ATP12A: variants seen among roughly 807,000 people sequenced by gnomAD.
The protein encoded by ATP12A is ATPase H+/K+ transporting non-gastric alpha2 subunit.
A neutral mutation model predicts 111.2 loss-of-function variants in ATP12A; 81 were observed. That is an observed-to-expected ratio of 0.73 (90% CI 0.61 to 0.88). The LOEUF (loss-of-function observed/expected upper bound fraction) is 0.88. Ranked by LOEUF, ATP12A falls within the 40% of genes least tolerant of loss-of-function variation. The probability of loss-of-function intolerance (pLI) is 0.00; values close to 1 mark genes in which losing one functional copy is unlikely to be tolerated. For synonymous variants in ATP12A, 498 were observed against 499.8 expected (o/e 1.00, Z 0.05); for missense variants, 1,196 against 1,313.1 (o/e 0.91, Z 1.38).
At chr13:24,691,680 C>T (rs1001314861) in intron 8 of ATP12A, among the ~76,000 whole-genome samples, 2 of 152,112 alleles carry the variant, frequency 1.3e-5, no homozygotes, top group Non-Finnish European at 2.9e-5. Context: ...AGGACTCCAG[C>T]CCTTTCCTGG....
chr13:24,686,823 C>A (rs7995316), intron 3 of ATP12A, among the ~76,000 whole-genome samples: 37,121 of 151,646 alleles, frequency 0.24, 5,568 homozygotes, highest in East Asian at 0.54. Context: ...GCAGGACTTG[C>A]GGGGATTTTT....
At chr13:24,705,347 A>G (rs894067353) in intron 14 of ATP12A, among the ~76,000 whole-genome samples, 1 of 152,206 alleles carries the variant, frequency 6.6e-6, no homozygotes, top group Non-Finnish European at 1.5e-5. Context: ...AAGCTTGACA[A>G]CGCAGGCCCC....
chr13:24,710,773 G>T lies in ATP12A; in HGVS notation c.2898-19G>T. ...AGCCACAAGAATCCCAAGTCTGTCT[G>T]CTTTTGTGTGTCTTGCAGAAATAAA... is the stretch of plus-strand genomic sequence containing the variant. On this transcript the variant is annotated intron_variant, in intron 20 of 22. Coordinates refer to ENST00000381946, the MANE Select transcript of ATP12A (RefSeq NM_001676.7). 1 of 1,612,856 alleles carries T rather than the reference G, an allele frequency of 6.2e-7. No individual in the cohort carries two copies. The highest frequency in any genetic ancestry group is 8.5e-7 in the Non-Finnish European group (1 of 1,178,938).
In ATP12A at chr13:24,701,949, T is replaced by C. The variant is rs1316884339; in HGVS notation, c.1896T>C (p.Thr632=). 2 of 1,614,246 alleles carry C rather than the reference T, an allele frequency of 1.2e-6. No homozygotes were observed. The highest frequency in any genetic ancestry group is 1.1e-5 in the South Asian group (1 of 91,082). The change falls in exon 14 of 23, where the codon ACT becomes ACC. Residue 632 remains threonine (T), a synonymous_variant. Transcript: ENST00000381946. The part of the protein sequence containing the change: ...RSAGIKVIMV[T]GDHPITAKAI... ...CTTTGCTCTAGGTTATTATGGTTACTGGTGATCATCCCATCACAGCCAAAG... is the reference window on the plus strand; with the variant it reads ...CTTTGCTCTAGGTTATTATGGTTACCGGTGATCATCCCATCACAGCCAAAG...
intron 7 of ATP12A, 92 bp from the exon 8 acceptor site, chr13:24,690,890 C>T (rs552495154): frequency 5.9e-6 from 9 of 1,537,702 alleles, no homozygotes; most frequent in East Asian, 4.5e-5. Context: ...GTGTGCCTAT[C>T]GATTGTGCCA....
Position 24,686,536 on chromosome 13 carries a change from C to A in ATP12A, c.228+1163C>A, listed in dbSNP as rs1162758889. 2.6e-5 allele frequency among the ~76,000 whole-genome samples: 4 copies of A among 151,724 alleles called. No homozygotes were observed. In the South Asian group the frequency reaches 8.3e-4, roughly 32 times the overall value. On this transcript the variant is annotated intron_variant, in intron 3 of 22. Coordinates refer to ENST00000381946, the MANE Select transcript of ATP12A (RefSeq NM_001676.7). ...CGGGCGGATCACGAGGTCAGGAGAT[C>A]GAGACCATCCTGGCTAACACGGTGA...
rs11620015 is a variant in ATP12A at position 24,685,442 on chromosome 13, C to T, written c.228+69C>T. On this transcript the variant is annotated intron_variant, in intron 3 of 22. Transcript: ENST00000381946. The surrounding 1 kb of genome is among the most constrained non-coding windows in gnomAD (Gnocchi z 5.5). The stretch of plus-strand genomic sequence containing the variant: ...TCTACAGAGGGAAGGCTGTGTGTGG[C>T]GGGGGGCTGTGTGGAAGAGTAGCGG... The T allele has an allele frequency of 0.12, 176,048 of 1,530,852 alleles. 11,456 individuals carry two copies. The highest frequency in any genetic ancestry group is 0.13 in the Non-Finnish European group (147,105 of 1,104,922). 94.8% of individuals were successfully genotyped at this position (1,530,852 alleles called of 1,614,324 possible).
At position 24,708,160 on chromosome 13, in the gene ATP12A, C is replaced by T. The variant is rs533185784; in HGVS notation, c.2493+727C>T. 4.7e-4 allele frequency among the ~76,000 whole-genome samples: 71 copies of T among 152,208 alleles called. No individual in the cohort carries two copies. The Middle Eastern group carries it at 0.014, about 29-fold the overall frequency. Reference sequence around the variant, plus strand: ...AGTAAGAGAGTCTGACATGGAAGACCTTTACCTAAACACAGTAAGAAGTAG... The same window carrying T: ...AGTAAGAGAGTCTGACATGGAAGACTTTTACCTAAACACAGTAAGAAGTAG... On this transcript the variant is annotated intron_variant, in intron 17 of 22. Coordinates refer to ENST00000381946, the MANE Select transcript of ATP12A (RefSeq NM_001676.7).
chr13:24,707,282 G>A lies in ATP12A; in HGVS notation c.2342G>A (p.Arg781His), dbSNP rs143679413. 26 of 1,614,028 alleles carry A rather than the reference G, an allele frequency of 1.6e-5. No individual in the cohort carries two copies. The highest frequency in any genetic ancestry group is 1.1e-4 in the African/African-American group (8 of 74,918). ...ASIVTGVEEG[R>H]LIFDNLKKTI... is the part of the protein sequence containing the mutation. ...AAGGAGAAACCTCTCTGCCTAGGTCGCCTGATCTTTGACAACCTCAAGAAG... is the reference window on the plus strand; with the variant it reads ...AAGGAGAAACCTCTCTGCCTAGGTCACCTGATCTTTGACAACCTCAAGAAG... The change falls in exon 17 of 23, where the codon CGC becomes CAC. Residue 781 changes from arginine to histidine, a missense_variant. Transcript: ENST00000381946.
chr13:24,687,867 A>T (rs1333454727), intron 3 of ATP12A, among the ~76,000 whole-genome samples: 1 of 152,178 alleles, frequency 6.6e-6, no homozygotes, highest in Non-Finnish European at 1.5e-5. Context: ...TCATCAAATT[A>T]GTCCTCTCAC....
At position 24,681,301 on chromosome 13, in the gene ATP12A, C is replaced by T. The variant is rs574580881; in HGVS notation, c.10-261C>T. 8.5e-5 allele frequency among the ~76,000 whole-genome samples: 13 copies of T among 152,260 alleles called. No homozygotes were observed. In the South Asian group the frequency reaches 2.5e-3, roughly 29 times the overall value. ...GGGGGTAACTTCCCACCTGCTCCAC[C>T]CAGAGAAGGGTCACCCTGAGGAGCT... is the stretch of plus-strand genomic sequence containing the variant. On this transcript the variant is annotated intron_variant, in intron 1 of 22. Transcript: ENST00000381946.
At chr13:24,698,613 G>A (rs369584885) in intron 11 of ATP12A, 45 bp from the exon 12 acceptor site, 68 of 1,583,230 alleles carry the variant, frequency 4.3e-5, no homozygotes, top group Admixed American at 4.2e-4. Flanking sequence ...GAAGGAATGC[G>A]TTTCACCTTT....
intron 11 of ATP12A, among the ~76,000 whole-genome samples, chr13:24,695,671 G>C (rs542841604): frequency 7.3e-6 from 1 of 137,278 alleles, no homozygotes; most frequent in East Asian, 2.3e-4. Context: ...GCAGTGGCAC[G>C]ATCTCGGCTC....
chr13:24,682,382 T>G (rs1874511492), intron 2 of ATP12A, among the ~76,000 whole-genome samples: 1 of 142,080 alleles, frequency 7.0e-6, no homozygotes, highest in Admixed American at 6.9e-5. Context: ...GTGGTGTGTG[T>G]GTGGTGTGTG....
At chr13:24,708,909 GA>G (rs1187811102) in intron 17 of ATP12A, among the ~76,000 whole-genome samples, 1 of 92,198 alleles carries the variant, frequency 1.1e-5, no homozygotes, top group South Asian at 4.3e-4. Flanking sequence ...AGGAAAGAAA[GA>G]AAGAAAGAAA....
chr13:24,689,265 T>C lies in ATP12A; in HGVS notation c.436T>C (p.Tyr146His). ...SDKSASLNNV[Y>H]LGCVLGLVVI... is the part of the protein sequence containing the mutation. ...TGACGCCCTCCTTCTCACCCAGGTG[T>C]ACTTGGGCTGTGTGCTTGGTCTGGT... The change falls in exon 5 of 23, where the codon TAC (tyrosine) becomes CAC (histidine). Residue 146 changes from tyrosine to histidine, a missense_variant. Tyr to His is a moderately conservative substitution (Grantham distance 83). Coordinates refer to ENST00000381946, the MANE Select transcript of ATP12A (RefSeq NM_001676.7). 6 of 1,613,868 alleles carry C rather than the reference T, an allele frequency of 3.7e-6. No individual in the cohort carries two copies. Among genetic ancestry groups the C allele is most frequent in the Non-Finnish European group, 5.1e-6 (6 of 1,179,798 alleles).
chr13:24,694,944 C>T (rs9553423), intron 11 of ATP12A, among the ~76,000 whole-genome samples: 37,345 of 152,062 alleles, frequency 0.25, 4,957 homozygotes, highest in East Asian at 0.47. Flanking sequence ...TACTCCAAAG[C>T]ATAAATGCCA....
Position 24,698,756 on chromosome 13 carries a change from G to T in ATP12A, c.1611G>T (p.Met537Ile). 6.2e-7 allele frequency: 1 copy of T among 1,614,068 alleles called. No homozygotes were observed. The highest frequency in any genetic ancestry group is 8.5e-7 in the Non-Finnish European group (1 of 1,180,030). ...ERILEKCSTI[M>I]INGEEHPLDK... ...TCCTAGAGAAATGCAGCACCATCATGATCAACGGCGAGGAGCACCCACTGG... is the reference window on the plus strand; with the variant it reads ...TCCTAGAGAAATGCAGCACCATCATTATCAACGGCGAGGAGCACCCACTGG... Residue 537 changes from methionine (M) to isoleucine (I), a missense_variant, in exon 12 of 23, where the codon ATG becomes ATT. Physicochemically the swap from Met to Ile is conservative, Grantham distance 10. Around this residue, in one of 3 missense-constraint regions of ATP12A, gnomAD observed 1,126 missense variants for 1,228.5 expected, o/e 0.92. Transcript: ENST00000381946.
At chr13:24,690,808 G>T in intron 7 of ATP12A, 87 bp downstream of exon 7, 2 of 1,453,780 alleles carry the variant, frequency 1.4e-6, no homozygotes, top group Non-Finnish European at 1.9e-6. Flanking sequence ...GCCACACCCC[G>T]TTACAAAGCT....
Sources: gnomAD v4.1 joint callset for allele counts (sites outside exome capture counted in the v4.1 genomes callset) on GRCh38, gnomAD v4.1.1 for gene constraint, gnomAD v4.1.1 regional missense constraint, Gnocchi (gnomAD v3.1) non-coding constraint, MANE v1.5 for transcripts, NCBI Gene and HGNC (gene_info 2026-07-23, HGNC 2026-07-21) for gene names.